Variants in EPS8L1 observed in about 807,000 individuals in gnomAD.
EPS8L1 encodes the protein EPS8 signaling adaptor L1.
A neutral mutation model predicts 91.7 loss-of-function variants in EPS8L1; 101 were observed. The ratio of observed to expected loss-of-function variants is 1.10; its 90% CI spans 0.94 to 1.30. The LOEUF is 1.30. Ranked by LOEUF, EPS8L1 falls within the 50% of genes most tolerant of loss-of-function variation. The probability of loss-of-function intolerance (pLI) is 0.00; values close to 1 mark genes in which losing one functional copy is unlikely to be tolerated. For synonymous variants in EPS8L1, 506 were observed against 445.3 expected (o/e 1.14, Z -1.72); for missense variants, 1,114 against 1,017.0 (o/e 1.10, Z -1.30).
chr19:55,086,663 G>T (rs1433859927), intron 17 of EPS8L1, 51 bp from the exon 18 acceptor site: 1 of 979,956 alleles, frequency 1.0e-6, no homozygotes, highest in African/African-American at 1.7e-5. Flanking sequence ...CTGGCCCCAG[G>T]ACCCCTCGCC....
chr19:55,087,808 T>TG lies in EPS8L1; in HGVS notation c.*198dup, dbSNP rs2076369356. ...GGAGAGGATCTGGACTGGCTGGGAG[T>TG]GGGGAGGGCGTGGAGACAGTCTACG... On this transcript the variant is annotated 3_prime_UTR_variant, in exon 20 of 20. Transcript: ENST00000201647. 3.2e-6 allele frequency: 2 copies of TG among 618,726 alleles called. No homozygotes were observed. Among genetic ancestry groups the TG allele is most frequent in the South Asian group, 3.7e-5 (2 of 54,022 alleles). The allele number at this position is 618,726 out of a possible 1,614,324, so 38.3% of individuals were successfully genotyped here.
chr19:55,077,584 CTTTTTTTTTTTT>C lies in EPS8L1; in HGVS notation c.18-492_18-481del, dbSNP rs35750835. Reference sequence around the variant, plus strand: ...AGCACCACCGCCTGACCTGACCTGTCTTTTTTTTTTTTTTTTTTTTTTTGAGATGGAGTCTCA... The same window carrying C: ...AGCACCACCGCCTGACCTGACCTGTCTTTTTTTTTTTGAGATGGAGTCTCA... On this transcript the variant is annotated intron_variant, in intron 2 of 19. Transcript: ENST00000201647. Among the ~76,000 whole-genome samples, 180 of 76,898 alleles carry C rather than the reference CTTTTTTTTTTTT, an allele frequency of 2.3e-3. 1 individual carries two copies. In the Middle Eastern group the frequency reaches 0.061, roughly 26 times the overall value. The allele number at this position is 76,898 out of a possible 152,430, so 50.4% of individuals were successfully genotyped here.
At chr19:55,080,569 G>A (rs745909288) in intron 6 of EPS8L1, 1 of 1,609,080 alleles carries the variant, frequency 6.2e-7, no homozygotes, top group South Asian at 1.1e-5. Context: ...CCCGGACTGG[G>A]TCTCCATGGG....
rs1208024043 is a variant in EPS8L1, at chr19:55,081,081, C to T, written c.513-150C>T. The T allele has an allele frequency of 2.9e-6, 3 of 1,038,608 alleles. No individual in the cohort carries two copies. Among genetic ancestry groups the T allele is most frequent in the African/African-American group, 3.2e-5 (2 of 61,838 alleles). The allele number at this position is 1,038,608 out of a possible 1,614,324, so 64.3% of individuals were successfully genotyped here. On this transcript the variant is annotated intron_variant, in intron 7 of 19. Transcript: ENST00000201647. This position sits in a 1 kb window ranked among gnomAD's most constrained non-coding sequence, Gnocchi z 4.9. ...AGTTTCACTCTAGAGAGGTGCTATCCCTCCGTATATCGGATTTCTCCCTAC... is the reference window on the plus strand; with the variant it reads ...AGTTTCACTCTAGAGAGGTGCTATCTCTCCGTATATCGGATTTCTCCCTAC...
rs1359369236 is a variant in EPS8L1, at chr19:55,079,069, G to A, written c.117+12G>A. 1 of 1,613,758 alleles carries A rather than the reference G, an allele frequency of 6.2e-7. No individual in the cohort carries two copies. The highest frequency in any genetic ancestry group is 8.5e-7 in the Non-Finnish European group (1 of 1,179,808). On this transcript the variant is annotated intron_variant, in intron 4 of 19. Transcript: ENST00000201647. ...AGTACCCAGTCAATGTGAGTCTGGGGTCTGTGTTCCCCCAGGACATCTTCT... is the reference window on the plus strand; with the variant it reads ...AGTACCCAGTCAATGTGAGTCTGGGATCTGTGTTCCCCCAGGACATCTTCT...
Position 55,080,800 on chromosome 19 carries a change from G to A in EPS8L1, c.458G>A (p.Gly153Glu), listed in dbSNP as rs371109133. The A allele has an allele frequency of 3.7e-6, 6 of 1,612,098 alleles. No individual in the cohort carries two copies. The Admixed American group carries it at 1.0e-4, about 27-fold the overall frequency. Residue 153 changes from glycine to glutamate, a missense_variant, in exon 7 of 20, where the codon GGG (glycine) becomes GAG (glutamate). Physicochemically the swap from Gly to Glu is moderately conservative, Grantham distance 98. Transcript: ENST00000201647. ...GAELIREDIQ[G>E]ALHNYRSGRG... ...GAGCTGATCCGAGAGGACATCCAGG[G>A]GGCTCTGCACAATTACCGCTCGGGC... is the stretch of plus-strand genomic sequence containing the variant.
chr19:55,086,388 T>G lies in EPS8L1; in HGVS notation c.1651-4T>G. 1 of 1,583,302 alleles carries G rather than the reference T, an allele frequency of 6.3e-7. No individual in the cohort carries two copies. Among genetic ancestry groups the G allele is most frequent in the Non-Finnish European group, 8.6e-7 (1 of 1,163,510 alleles). On this transcript the variant is annotated splice_polypyrimidine_tract_variant and splice_region_variant and intron_variant, in intron 16 of 19. Coordinates refer to ENST00000201647, the MANE Select transcript of EPS8L1 (RefSeq NM_133180.3). ...CCCAGGTACTCTCCTCTCCTTCCTT[T>G]CAGAACAGCACTCCTCCTCCACCAC...
intron 19 of EPS8L1, 38 bp from the exon 20 acceptor site, chr19:55,087,490 G>T (rs781485478): frequency 8.7e-6 from 14 of 1,614,044 alleles, no homozygotes; most frequent in Non-Finnish European, 1.1e-5. Context: ...ACGAGGGCTC[G>T]GACGCCAGGA....
At position 55,081,721 on chromosome 19, in the gene EPS8L1, G is replaced by A; in HGVS notation, c.775-52G>A. ...GTGCTCAGGTTCAGGGCTTCGACGG[G>A]GATGGTTTTGGAACTCGGGAGCCCT... On this transcript the variant is annotated intron_variant, in intron 8 of 19. Transcript: ENST00000201647. The surrounding 1 kb of genome is among the most constrained non-coding windows in gnomAD (Gnocchi z 4.9). The A allele has an allele frequency of 1.3e-6, 2 of 1,563,206 alleles. No individual in the cohort carries two copies. The highest frequency in any genetic ancestry group is 1.2e-5 in the South Asian group (1 of 85,222).
intron 6 of EPS8L1, chr19:55,080,564 A>G (rs1240958258): frequency 2.5e-6 from 4 of 1,610,094 alleles, no homozygotes; most frequent in Non-Finnish European, 3.4e-6. Context: ...AACCACCCGG[A>G]CTGGGTCTCC....
chr19:55,087,462 CTGGGTAGGGTTGGGATGA>C, intron 19 of EPS8L1, 27 bp downstream of exon 19: 1 of 1,614,148 alleles, frequency 6.2e-7, no homozygotes, highest in Non-Finnish European at 8.5e-7. Context: ...GTCCCTGGGT[CTGGGTAGGGTTGGGATGA>C]CGAGGGCTCG....
Position 55,086,767 on chromosome 19 carries a change from C to G in EPS8L1, c.1831C>G (p.Gln611Glu). ...CGAGGAACTGCAGGCGCGCCTGGCC[C>G]AGGGCCGCTCGGGACCGAGCCGCGC... is the stretch of plus-strand genomic sequence containing the variant. Reference protein sequence around the residue: ...VNEELQARLAQGRSGPSRAVP... With the variant: ...VNEELQARLAEGRSGPSRAVP... Residue 611 changes from glutamine to glutamate, a missense_variant, in exon 18 of 20, where the codon CAG becomes GAG. Coordinates refer to ENST00000201647, the MANE Select transcript of EPS8L1 (RefSeq NM_133180.3). 6.2e-7 allele frequency: 1 copy of G among 1,610,508 alleles called. No homozygotes were observed. The highest frequency in any genetic ancestry group is 1.1e-5 in the South Asian group (1 of 90,856).
chr19:55,087,627 C>G lies in EPS8L1; in HGVS notation c.*13C>G, dbSNP rs372375623. On this transcript the variant is annotated 3_prime_UTR_variant, in exon 20 of 20. Coordinates refer to ENST00000201647, the MANE Select transcript of EPS8L1 (RefSeq NM_133180.3). ...GGAGGTCATTTGACCTGCCAGGCGC[C>G]CTTCGCAAAGAGTGACGAGGCCCCG... 4 of 1,613,742 alleles carry G rather than the reference C, an allele frequency of 2.5e-6. No individual in the cohort carries two copies. The Admixed American group carries it at 6.7e-5, about 27-fold the overall frequency.
chr19:55,076,310 G>A (rs1311287262), intron 1 of EPS8L1, 98 bp from the exon 2 acceptor site: 2 of 1,083,472 alleles, frequency 1.8e-6, no homozygotes, highest in East Asian at 2.6e-5. Context: ...CCTGAGGGAG[G>A]AGGGGCTGGG....
Position 55,086,442 on chromosome 19 carries a change from T to C in EPS8L1, c.1701T>C (p.Ala567=). ...PPAPAPAPPP[A]LARPRWDRPR... The stretch of plus-strand genomic sequence containing the variant: ...CCCCAGCCCCGGCCCCACCTCCAGC[T>C]CTGGCTCGGCCCCGCTGGGACAGGC... Residue 567 remains alanine, a synonymous_variant, in exon 17 of 20, where the codon GCT becomes GCC. Transcript: ENST00000201647. 1 of 1,554,346 alleles carries C rather than the reference T, an allele frequency of 6.4e-7. No individual in the cohort carries two copies. Among genetic ancestry groups the C allele is most frequent in the Non-Finnish European group, 8.7e-7 (1 of 1,148,194 alleles).
chr19:55,086,549 C>T, intron 17 of EPS8L1, 31 bp downstream of exon 17: 7 of 1,545,986 alleles, frequency 4.5e-6, no homozygotes, highest in Non-Finnish European at 6.1e-6. Context: ...CTGCGGGGAG[C>T]GGTCCTTATC....
rs1056338694 is a variant in EPS8L1 at position 55,079,734 on chromosome 19, C to T, written c.162C>T (p.Thr54=). Residue 54 remains threonine, a synonymous_variant, in exon 5 of 20, where the codon ACC becomes ACT. Coordinates refer to ENST00000201647, the MANE Select transcript of EPS8L1 (RefSeq NM_133180.3). ...FCLGEDDGVH[T]VEDASRKLAV... ...TGGGTGAGGACGATGGCGTGCATAC[C>T]GTGGAGGATGCCTCCAGGAAGTTGG... 53 of 1,614,010 alleles carry T rather than the reference C, an allele frequency of 3.3e-5. No individual in the cohort carries two copies. The highest frequency in any genetic ancestry group is 4.2e-5 in the Non-Finnish European group (50 of 1,180,014).
rs1175771575 is a variant in EPS8L1, at chr19:55,082,339, C to T, written c.1055C>T (p.Pro352Leu). The T allele has an allele frequency of 1.2e-6, 2 of 1,612,834 alleles. No homozygotes were observed. The highest frequency in any genetic ancestry group is 1.3e-5 in the African/African-American group (1 of 75,048). The change falls in exon 11 of 20, where the codon CCT becomes CTT. Residue 352 changes from proline to leucine, a missense_variant. Physicochemically the swap from Pro to Leu is moderately conservative, Grantham distance 98. Coordinates refer to ENST00000201647, the MANE Select transcript of EPS8L1 (RefSeq NM_133180.3). ...GAGCTGTTGCACTTCCTTTTCGGGCCTCTGCAGATGGTGAGACCCGCCCCA... is the reference window on the plus strand; with the variant it reads ...GAGCTGTTGCACTTCCTTTTCGGGCTTCTGCAGATGGTGAGACCCGCCCCA... ...SPELLHFLFG[P>L]LQMIVNTSGG...
intron 18 of EPS8L1, 65 bp from the exon 19 acceptor site, chr19:55,087,238 A>C: frequency 6.5e-7 from 1 of 1,532,702 alleles, no homozygotes; most frequent in Non-Finnish European, 8.7e-7. Flanking sequence ...GGTGGGCGTG[A>C]CATGATTGTC....
Sources: allele counts gnomAD v4.1 joint callset (sites outside exome capture counted in the v4.1 genomes callset), GRCh38; gene constraint gnomAD v4.1.1; non-coding constraint Gnocchi (gnomAD v3.1); transcripts MANE v1.5; gene names NCBI Gene and HGNC (gene_info 2026-07-23, HGNC 2026-07-21).